Variants in N4BP2 observed in about 807,000 individuals in gnomAD.
N4BP2 encodes the protein NEDD4 binding protein 2.
In N4BP2, 91 loss-of-function variants were observed where a neutral mutation model predicts 152.8. That is an observed-to-expected ratio of 0.60 (90% CI 0.50 to 0.71). The LOEUF (loss-of-function observed/expected upper bound fraction) is 0.71. Among genes scored for constraint, N4BP2 ranks in the 30% least tolerant of loss-of-function variants. N4BP2 has a pLI of 0.00. For missense variants in N4BP2, 1,923 were observed against 2,059.1 expected (o/e 0.93, Z 1.28); for synonymous variants, 646 against 705.3 (o/e 0.92, Z 1.33).
chr4:40,121,346 G>A lies in N4BP2; in HGVS notation c.3235G>A (p.Glu1079Lys), dbSNP rs1176467754. 2 of 1,613,880 alleles carry A rather than the reference G, an allele frequency of 1.2e-6. No individual in the cohort carries two copies. The highest frequency in any genetic ancestry group is 1.7e-6 in the Non-Finnish European group (2 of 1,179,946). ...RVMYDKSTFV[E>K]ESELTSADES... is the part of the protein sequence containing the mutation. ...AATGTATGATAAAAGCACGTTTGTTGAAGAAAGTGAGCTTACCAGTGCAGA... is the reference window on the plus strand; with the variant it reads ...AATGTATGATAAAAGCACGTTTGTTAAAGAAAGTGAGCTTACCAGTGCAGA... The change falls in exon 9 of 18, where the codon GAA becomes AAA. Residue 1079 changes from glutamate to lysine, a missense_variant. Physicochemically the swap from Glu to Lys is moderately conservative, Grantham distance 56. Transcript: ENST00000261435.
intron 13 of N4BP2, among the ~76,000 whole-genome samples, chr4:40,134,368 G>A (rs1453129130): frequency 8.3e-6 from 1 of 120,756 alleles, no homozygotes; most frequent in Non-Finnish European, 1.7e-5. Flanking sequence ...GCTTCCCCAG[G>A]CAAAGGAGGG....
chr4:40,067,819 C>A (rs1711695334), intron 1 of N4BP2, among the ~76,000 whole-genome samples: 3 of 152,068 alleles, frequency 2.0e-5, no homozygotes, highest in Admixed American at 2.0e-4. Flanking sequence ...CTGTCTCAGC[C>A]TCCCGAGTAG....
chr4:40,184,084 G>GATCT, the N4BP2 span, among the ~76,000 whole-genome samples: 4 of 152,306 alleles, frequency 2.6e-5, no homozygotes, highest in East Asian at 7.7e-4. Context: ...TTCAGTCTTA[G>GATCT]ACATCATGAT....
At chr4:40,124,054 G>A in intron 10 of N4BP2, 106 bp from the exon 11 acceptor site, 1 of 791,000 alleles carries the variant, frequency 1.3e-6, no homozygotes, top group Non-Finnish European at 2.2e-6. Context: ...ATGGTTTACA[G>A]TTATACAAGG....
At chr4:40,076,858 C>T (rs545342557) in intron 2 of N4BP2, among the ~76,000 whole-genome samples, 7 of 152,238 alleles carry the variant, frequency 4.6e-5, no homozygotes, top group African/African-American at 1.4e-4. Flanking sequence ...TTTCTTATCA[C>T]AGTAGTATTT....
intron 2 of N4BP2, among the ~76,000 whole-genome samples, chr4:40,091,823 G>A (rs1429979077): frequency 1.4e-5 from 2 of 146,934 alleles, no homozygotes; most frequent in Admixed American, 1.4e-4. Context: ...TGCCCAGGCT[G>A]GTCCTGAACT....
At chr4:40,139,822 T>C (rs1472827130) in intron 14 of N4BP2, among the ~76,000 whole-genome samples, 1 of 147,966 alleles carries the variant, frequency 6.8e-6, no homozygotes, top group East Asian at 2.0e-4. Context: ...TTTTACATTT[T>C]TTTTTCTTTT....
chr4:40,065,015 A>G (rs2109888295), intron 1 of N4BP2, among the ~76,000 whole-genome samples: 1 of 151,380 alleles, frequency 6.6e-6, no homozygotes. Context: ...TGATCTGCCC[A>G]CCTCAGCCTC....
chr4:40,091,005 GT>G (rs34245436), intron 2 of N4BP2, among the ~76,000 whole-genome samples: 24 of 121,562 alleles, frequency 2.0e-4, no homozygotes, highest in Non-Finnish European at 2.4e-4. Context: ...GTATTTCTCT[GT>G]TTTTTTTTTT....
chr4:40,117,856 C>A lies in N4BP2; in HGVS notation c.1665-13C>A. On this transcript the variant is annotated splice_polypyrimidine_tract_variant and intron_variant, in intron 7 of 17. Transcript: ENST00000261435. ...AATATTCCTTCAACCCTTTTTTCCC[C>A]TGGAATTTTCAGGCGTAACATTCAT... 6.3e-7 allele frequency: 1 copy of A among 1,577,346 alleles called. No individual in the cohort carries two copies.
In N4BP2 at chr4:40,156,685, A is replaced by G. The variant is rs904724436; in HGVS notation, c.*2448A>G. ...ATCCTGTATGTCAAAGATAGTTTGG[A>G]GATTATAAAAATTTTCATGTATTGG... On this transcript the variant is annotated 3_prime_UTR_variant, in exon 18 of 18. Transcript: ENST00000261435. 2 of 152,006 alleles carry G rather than the reference A, an allele frequency of 1.3e-5. No individual in the cohort carries two copies. The highest frequency in any genetic ancestry group is 6.6e-5 in the Admixed American group (1 of 15,232). 9.4% of individuals were successfully genotyped at this position (152,006 alleles called of 1,614,324 possible).
At chr4:40,179,674 A>G in the N4BP2 span, among the ~76,000 whole-genome samples, 2 of 151,882 alleles carry the variant, frequency 1.3e-5, no homozygotes, top group South Asian at 4.2e-4. Flanking sequence ...CTTAACCATT[A>G]TATTATTGCA....
chr4:40,127,822 G>C (rs369512401), intron 12 of N4BP2, among the ~76,000 whole-genome samples: 1 of 151,934 alleles, frequency 6.6e-6, no homozygotes, highest in African/African-American at 2.4e-5. Context: ...CACCGCGCCC[G>C]GCTAATTTTT....
rs1713932515 is a variant in N4BP2 at position 40,086,186 on chromosome 4, A to G, written c.-114-11041A>G. Among the ~76,000 whole-genome samples the G allele has an allele frequency of 2.8e-5, 4 of 142,172 alleles. No homozygotes were observed. In the South Asian group the frequency reaches 8.9e-4, roughly 31 times the overall value. The allele number at this position is 142,172 out of a possible 152,430, so 93.3% of individuals were successfully genotyped here. A position where few individuals can be genotyped will look rare whatever the true frequency, so the allele number is the denominator to read the frequency against. On this transcript the variant is annotated intron_variant, in intron 2 of 17. Coordinates refer to ENST00000261435, the MANE Select transcript of N4BP2 (RefSeq NM_018177.6). ...TTTTTATTAGAGACAGGGTTTTGCCATGTTGTCCAGGTCTGGTCTCGAATG... is the reference window on the plus strand; with the variant it reads ...TTTTTATTAGAGACAGGGTTTTGCCGTGTTGTCCAGGTCTGGTCTCGAATG...
chr4:40,085,122 A>G lies in N4BP2; in HGVS notation c.-115+11571A>G, dbSNP rs561836613. Reference sequence around the variant, plus strand: ...GAGACGGGGCTTCACTGTGTTGGCCAGGCTGGTCTTGAACTTCTGACCTTG... The same window carrying G: ...GAGACGGGGCTTCACTGTGTTGGCCGGGCTGGTCTTGAACTTCTGACCTTG... On this transcript the variant is annotated intron_variant, in intron 2 of 17. Transcript: ENST00000261435. Among the ~76,000 whole-genome samples, 265 of 151,616 alleles carry G rather than the reference A, an allele frequency of 1.7e-3. 1 individual carries two copies. Among genetic ancestry groups the G allele is most frequent in the African/African-American group, 6.2e-3 (256 of 41,276 alleles).
At chr4:40,183,272 C>A in the N4BP2 span, among the ~76,000 whole-genome samples, 2 of 152,016 alleles carry the variant, frequency 1.3e-5, no homozygotes, top group African/African-American at 4.8e-5. Context: ...ATCTACCAAT[C>A]ATTTCTATAC....
intron 13 of N4BP2, among the ~76,000 whole-genome samples, chr4:40,135,921 C>T (rs1482510652): frequency 6.6e-6 from 1 of 152,046 alleles, no homozygotes; most frequent in East Asian, 1.9e-4. Context: ...AGTATCTGGC[C>T]AATGGAAGAG....
chr4:40,152,947 A>C (rs980292971), intron 17 of N4BP2, 44 bp downstream of exon 17: 2 of 1,595,808 alleles, frequency 1.3e-6, no homozygotes, highest in Admixed American at 3.4e-5. Flanking sequence ...CTGCCCATAT[A>C]GATCTTTATC....
At chr4:40,132,625 A>G (rs1249428810) in intron 13 of N4BP2, among the ~76,000 whole-genome samples, 1 of 152,124 alleles carries the variant, frequency 6.6e-6, no homozygotes, top group Non-Finnish European at 1.5e-5. Context: ...TTGTAGTGTT[A>G]TGTTAGGTAT....
Sources: gnomAD v4.1 joint callset for allele counts (sites outside exome capture counted in the v4.1 genomes callset) on GRCh38, gnomAD v4.1.1 for gene constraint, MANE v1.5 for transcripts, NCBI Gene and HGNC (gene_info 2026-07-23, HGNC 2026-07-21) for gene names.